The following ADCY7 variants were observed in gnomAD, a reference collection of about 807,000 sequenced individuals.
ADCY7 encodes adenylate cyclase type 7.
In ADCY7, 72 loss-of-function variants were observed where a neutral mutation model predicts 120.6. That is an observed-to-expected ratio of 0.60 (90% CI 0.49 to 0.73). The LOEUF (loss-of-function observed/expected upper bound fraction) is 0.73, where lower values mean the gene tolerates loss of function less well. ADCY7 is among the 30% of genes least tolerant of loss of function. ADCY7 has a pLI of 0.00. For synonymous variants in ADCY7, 661 were observed against 628.0 expected (o/e 1.05, Z -0.78); for missense variants, 1,227 against 1,486.0 (o/e 0.83, Z 2.87).
chr16:50,284,861 C>T (rs910972292), intron 1 of ADCY7, among the ~76,000 whole-genome samples: 1 of 152,316 alleles, frequency 6.6e-6, no homozygotes, highest in African/African-American at 2.4e-5. Context: ...CCACCTTGGC[C>T]TTTGCCGGTT....
intron 21 of ADCY7, 121 bp downstream of exon 21, chr16:50,312,312 C>T (rs750208721): frequency 1.1e-5 from 12 of 1,135,624 alleles, no homozygotes; most frequent in East Asian, 7.2e-5. Flanking sequence ...CTGGCCTCAC[C>T]GGGATGCCCA....
intron 15 of ADCY7, among the ~76,000 whole-genome samples, chr16:50,308,061 A>G (rs2036196307): frequency 6.6e-6 from 1 of 150,848 alleles, no homozygotes; most frequent in Non-Finnish European, 1.5e-5. Flanking sequence ...GTTTTTTCTG[A>G]GTCTAAAGGC....
chr16:50,303,723 C>T (rs1265132158), intron 10 of ADCY7, among the ~76,000 whole-genome samples: 1 of 152,126 alleles, frequency 6.6e-6, no homozygotes, highest in East Asian at 1.9e-4. Flanking sequence ...AGGCACGTGG[C>T]AGGTCATGGC....
intron 1 of ADCY7, among the ~76,000 whole-genome samples, chr16:50,284,730 T>A (rs1035913414): frequency 6.6e-6 from 1 of 152,240 alleles, no homozygotes; most frequent in Non-Finnish European, 1.5e-5. Flanking sequence ...GGAGCCCTGG[T>A]TTGGGAGCTG....
intron 21 of ADCY7, 102 bp from the exon 22 acceptor site, chr16:50,312,787 TG>T: frequency 1.0e-6 from 1 of 971,744 alleles, no homozygotes; most frequent in Non-Finnish European, 1.4e-6. Flanking sequence ...CCCCGAAAGC[TG>T]GGCTGGGCAG....
chr16:50,314,342 C>G lies in ADCY7; in HGVS notation c.2907C>G (p.Ile969Met), dbSNP rs773015364. 6.2e-7 allele frequency: 1 copy of G among 1,614,170 alleles called. No homozygotes were observed. The highest frequency in any genetic ancestry group is 1.1e-5 in the South Asian group (1 of 91,080). ...AHIGVMVEFS[I>M]ALMSKLDGIN... ...TTGGTGTCATGGTGGAGTTCAGCATCGCCCTGATGAGTAAGCTGGACGGCA... is the reference window on the plus strand; with the variant it reads ...TTGGTGTCATGGTGGAGTTCAGCATGGCCCTGATGAGTAAGCTGGACGGCA... Residue 969 changes from isoleucine (I) to methionine (M), a missense_variant, in exon 24 of 26, where the codon ATC (isoleucine) becomes ATG (methionine). Ile to Met is a conservative substitution (Grantham distance 10). Around this residue, in one of 5 missense-constraint regions of ADCY7, gnomAD observed 244 missense variants for 332.8 expected, o/e 0.73. Coordinates refer to ENST00000673801, the MANE Select transcript of ADCY7 (RefSeq NM_001114.5).
chr16:50,271,461 G>T (rs114261851), intron 1 of ADCY7, among the ~76,000 whole-genome samples: 1,990 of 152,296 alleles, frequency 0.013, 47 homozygotes, highest in African/African-American at 0.045. Context: ...GCACAGCCCA[G>T]TGCTGCCGAG....
At chr16:50,284,503 C>T (rs779828719) in intron 1 of ADCY7, among the ~76,000 whole-genome samples, 10 of 152,326 alleles carry the variant, frequency 6.6e-5, no homozygotes, top group Admixed American at 2.6e-4. Flanking sequence ...CTTTCATGCA[C>T]GTGTCTGGCC....
At chr16:50,281,229 C>T (rs923291098) in intron 1 of ADCY7, among the ~76,000 whole-genome samples, 1 of 152,204 alleles carries the variant, frequency 6.6e-6, no homozygotes, top group Non-Finnish European at 1.5e-5. Context: ...GTGCAGACAA[C>T]CTGGTTATCA....
At position 50,310,891 on chromosome 16, in the gene ADCY7, G is replaced by A. The variant is rs754443313; in HGVS notation, c.2354+11G>A. 7.6e-6 allele frequency: 12 copies of A among 1,573,806 alleles called. No individual in the cohort carries two copies. The highest frequency in any genetic ancestry group is 1.4e-5 in the African/African-American group (1 of 73,656). On this transcript the variant is annotated intron_variant, in intron 19 of 25. Coordinates refer to ENST00000673801, the MANE Select transcript of ADCY7 (RefSeq NM_001114.5). ...CAACGGCACCACCAGGTGGGGTCCC[G>A]CCCGTCCCCGTCCCCATCCCCATGG...
Position 50,291,806 on chromosome 16 carries a change from C to A in ADCY7, c.446C>A (p.Ala149Asp). The A allele has an allele frequency of 6.2e-7, 1 of 1,614,114 alleles. No individual in the cohort carries two copies. Among genetic ancestry groups the A allele is most frequent in the Non-Finnish European group, 8.5e-7 (1 of 1,179,988 alleles). Residue 149 changes from alanine to aspartate, a missense_variant, in exon 4 of 26, where the codon GCC becomes GAC. This residue lies in a region of ADCY7 where 382 missense variants were observed against 411.4 expected (regional missense o/e 0.93). Transcript: ENST00000673801. ...LLPFSMRGAV[A>D]VGAVSTASHL... is the part of the protein sequence containing the mutation. ...CCCTTCAGCATGCGGGGCGCTGTCG[C>A]CGTTGGGGCCGTCTCCACTGCCTCC...
intron 7 of ADCY7, among the ~76,000 whole-genome samples, chr16:50,295,619 G>T (rs1476296005): frequency 6.6e-6 from 1 of 152,088 alleles, no homozygotes; most frequent in Non-Finnish European, 1.5e-5. Flanking sequence ...TGGGGTGAAC[G>T]TGCTCAGTGT....
intron 4 of ADCY7, 42 bp from the exon 5 acceptor site, chr16:50,292,634 G>A: frequency 6.2e-7 from 1 of 1,605,154 alleles, no homozygotes. Flanking sequence ...GGGAGGGCAT[G>A]GGCCAGGCCA....
intron 1 of ADCY7, among the ~76,000 whole-genome samples, chr16:50,249,759 G>A (rs77618876): frequency 0.011 from 1,618 of 152,324 alleles, 30 homozygotes; most frequent in African/African-American, 0.037. Flanking sequence ...GGCCCTGCTG[G>A]GGGAGGTGGT....
intron 1 of ADCY7, among the ~76,000 whole-genome samples, chr16:50,255,218 G>T (rs529713374): frequency 6.6e-6 from 1 of 151,444 alleles, no homozygotes; most frequent in Non-Finnish European, 1.5e-5. Context: ...GATTGCGTGA[G>T]CCTAGGAGCT....
chr16:50,292,960 C>T (rs2035089885), intron 5 of ADCY7, 135 bp downstream of exon 5: 2 of 1,176,938 alleles, frequency 1.7e-6, no homozygotes, highest in Non-Finnish European at 2.4e-6. Flanking sequence ...TCGGTGAGTC[C>T]TGGGCTCCAG....
At chr16:50,276,772 T>C (rs1471070778) in intron 1 of ADCY7, among the ~76,000 whole-genome samples, 1 of 152,058 alleles carries the variant, frequency 6.6e-6, no homozygotes, top group African/African-American at 2.4e-5. Context: ...TTTTAAAATT[T>C]TTTTAGAGAT....
At chr16:50,289,290 C>A in intron 2 of ADCY7, 2 of 432,768 alleles carry the variant, frequency 4.6e-6, no homozygotes, top group Non-Finnish European at 9.2e-6. Context: ...CCTGCCTTGG[C>A]CTCCCAAAGT....
At chr16:50,274,494 G>A (rs961265915) in intron 1 of ADCY7, among the ~76,000 whole-genome samples, 4 of 152,070 alleles carry the variant, frequency 2.6e-5, no homozygotes, top group African/African-American at 9.7e-5. Context: ...GGGCTCTTCC[G>A]GGCTCTTGGC....
Sources: gnomAD v4.1 joint callset for allele counts (sites outside exome capture counted in the v4.1 genomes callset) on GRCh38, gnomAD v4.1.1 for gene constraint, gnomAD v4.1.1 regional missense constraint, MANE v1.5 for transcripts, NCBI Gene and HGNC (gene_info 2026-07-23, HGNC 2026-07-21) for gene names.